MIPOL1: variants seen among roughly 807,000 people sequenced by gnomAD.
MIPOL1 encodes mirror-image polydactyly gene 1 protein.
MIPOL1 carries 57 observed loss-of-function variants against 60.9 expected under a neutral mutation model. That is an observed-to-expected ratio of 0.94 (90% CI 0.76 to 1.17). The LOEUF (loss-of-function observed/expected upper bound fraction) is 1.17, where lower values mean the gene tolerates loss of function less well. Among genes scored for constraint, MIPOL1 ranks in the 50% most tolerant of loss-of-function variants. The pLI is 0.00. For missense variants in MIPOL1, 551 were observed against 511.6 expected, an observed-to-expected ratio of 1.08 and a Z score of -0.74; for synonymous variants, 179 against 168.8, an observed-to-expected ratio of 1.06 and a Z score of -0.47.
In MIPOL1 at chr14:37,332,789, C is replaced by T. The variant is rs148869594; in HGVS notation, c.828+24270C>T. ...TTTACTCTGCTTCTTTGGAGTACTT[C>T]CAACATCACTAGTGGAACTTTGTAT... is the stretch of plus-strand genomic sequence containing the variant. On this transcript the variant is annotated intron_variant, in intron 9 of 12. Coordinates refer to ENST00000684589, the MANE Select transcript of MIPOL1 (RefSeq NM_001388067.1). 2.3e-3 allele frequency among the ~76,000 whole-genome samples: 343 copies of T among 152,174 alleles called. 3 individuals carry two copies. Among genetic ancestry groups the T allele is most frequent in the African/African-American group, 7.7e-3 (319 of 41,506 alleles).
intron 10 of MIPOL1, chr14:37,370,035 A>G (rs2092597247): frequency 6.6e-6 from 1 of 152,334 alleles, no homozygotes; most frequent in Admixed American, 6.5e-5. Flanking sequence ...TCCTTGAAGA[A>G]TATGTGTTTG....
At chr14:37,273,642 A>G (rs1369472791) in intron 6 of MIPOL1, among the ~76,000 whole-genome samples, 5 of 151,516 alleles carry the variant, frequency 3.3e-5, no homozygotes, top group African/African-American at 1.2e-4. Flanking sequence ...AAAACAAAAG[A>G]TGTCCAGTTC....
At chr14:37,493,690 T>C (rs956224308) in intron 11 of MIPOL1, among the ~76,000 whole-genome samples, 7 of 152,204 alleles carry the variant, frequency 4.6e-5, no homozygotes, top group African/African-American at 2.4e-5. Flanking sequence ...TAAAGAATTA[T>C]ATAATTTTAA....
At chr14:37,324,618 C>A (rs909712989) in intron 9 of MIPOL1, among the ~76,000 whole-genome samples, 1 of 152,006 alleles carries the variant, frequency 6.6e-6, no homozygotes, top group Admixed American at 6.6e-5. Context: ...TTTAAGGAAT[C>A]TTTCCGCATT....
chr14:37,346,343 AT>A (rs1012572606), intron 9 of MIPOL1, among the ~76,000 whole-genome samples: 43 of 152,306 alleles, frequency 2.8e-4, no homozygotes, highest in African/African-American at 8.9e-4. Flanking sequence ...AAATAAAAAA[AT>A]AACTGAAGGT....
chr14:37,442,110 G>A (rs575975524), intron 11 of MIPOL1, among the ~76,000 whole-genome samples: 3 of 151,542 alleles, frequency 2.0e-5, no homozygotes, highest in African/African-American at 7.3e-5. Context: ...GTGTGTGTGT[G>A]TGTGTGTGTG....
At chr14:37,201,145 T>G (rs766873692) in intron 1 of MIPOL1, among the ~76,000 whole-genome samples, 6 of 152,012 alleles carry the variant, frequency 3.9e-5, no homozygotes, top group Non-Finnish European at 8.8e-5. Flanking sequence ...GCTCAAGTGA[T>G]CCTCCTTCCC....
chr14:37,322,916 T>C (rs2088758776), intron 9 of MIPOL1, among the ~76,000 whole-genome samples: 1 of 152,164 alleles, frequency 6.6e-6, no homozygotes, highest in Non-Finnish European at 1.5e-5. Context: ...TTTCTCTCAT[T>C]CTGTAGGTTG....
At chr14:37,393,496 A>G (rs1052505740) in intron 10 of MIPOL1, among the ~76,000 whole-genome samples, 1 of 151,792 alleles carries the variant, frequency 6.6e-6, no homozygotes, top group African/African-American at 2.4e-5. Context: ...ACATACATAT[A>G]ACATCAAACC....
chr14:37,261,068 T>A (rs971595154), intron 3 of MIPOL1, among the ~76,000 whole-genome samples: 2 of 152,080 alleles, frequency 1.3e-5, no homozygotes, highest in African/African-American at 4.8e-5. Context: ...ATTATTTCTG[T>A]AATGTATTAG....
intron 9 of MIPOL1, among the ~76,000 whole-genome samples, chr14:37,325,159 A>G (rs1296748048): frequency 6.6e-6 from 1 of 152,100 alleles, no homozygotes; most frequent in African/African-American, 2.4e-5. Flanking sequence ...TAGTTTTTCA[A>G]TCCATGATAT....
In MIPOL1 at chr14:37,294,801, A is replaced by G. The variant is rs146418730; in HGVS notation, c.623+9354A>G. 2.3e-3 allele frequency among the ~76,000 whole-genome samples: 347 copies of G among 152,300 alleles called. 1 individual carries two copies. Among genetic ancestry groups the G allele is most frequent in the African/African-American group, 7.8e-3 (325 of 41,564 alleles). ...CAAAGCCTCCGAGAAATATGGGACT[A>G]TGTGAAAAGACCAAATCTACATCTA... On this transcript the variant is annotated intron_variant, in intron 7 of 12. Coordinates refer to ENST00000684589, the MANE Select transcript of MIPOL1 (RefSeq NM_001388067.1).
At chr14:37,215,045 C>T (rs760444693) in intron 1 of MIPOL1, among the ~76,000 whole-genome samples, 5 of 152,122 alleles carry the variant, frequency 3.3e-5, no homozygotes, top group African/African-American at 7.2e-5. Flanking sequence ...CCATCCTGTA[C>T]ACCTGGCTCT....
chr14:37,274,830 T>C (rs563752619), intron 6 of MIPOL1, among the ~76,000 whole-genome samples: 70 of 151,388 alleles, frequency 4.6e-4, no homozygotes, highest in Admixed American at 2.1e-3. Flanking sequence ...AAGATGATGA[T>C]GTAACCATCT....
intron 1 of MIPOL1, among the ~76,000 whole-genome samples, chr14:37,230,258 A>G: frequency 6.6e-6 from 1 of 152,214 alleles, no homozygotes; most frequent in East Asian, 1.9e-4. Flanking sequence ...AACCTGCTCT[A>G]ACAGGACTAA....
chr14:37,249,541 A>C (rs1373147129), intron 3 of MIPOL1, among the ~76,000 whole-genome samples: 1 of 152,188 alleles, frequency 6.6e-6, no homozygotes. Context: ...TGGGCTGCTT[A>C]TTATGAGTTT....
chr14:37,550,277 A>G lies in MIPOL1; in HGVS notation c.*3306A>G, dbSNP rs2095558671. The G allele has an allele frequency of 6.6e-6, 1 of 151,268 alleles. No individual in the cohort carries two copies. Among genetic ancestry groups the G allele is most frequent in the South Asian group, 2.1e-4 (1 of 4,832 alleles). The allele number at this position is 151,268 out of a possible 1,614,324, so 9.4% of individuals were successfully genotyped here. ...TTTAATATTGAATATAGTTTCGTAG[A>G]AAAACATTTTATATGTACTATTCTT... On this transcript the variant is annotated 3_prime_UTR_variant, in exon 13 of 13. Coordinates refer to ENST00000684589, the MANE Select transcript of MIPOL1 (RefSeq NM_001388067.1).
chr14:37,327,255 G>A (rs2089249927), intron 9 of MIPOL1, among the ~76,000 whole-genome samples: 1 of 152,100 alleles, frequency 6.6e-6, no homozygotes, highest in East Asian at 1.9e-4. Context: ...TTAGCATGCA[G>A]TATCCCACAT....
intron 11 of MIPOL1, among the ~76,000 whole-genome samples, chr14:37,450,937 A>C (rs1421802932): frequency 1.3e-5 from 2 of 152,162 alleles, no homozygotes; most frequent in African/African-American, 4.8e-5. Context: ...TGAATAAAAA[A>C]ATATTTTTAA....
Sources: allele counts gnomAD v4.1 joint callset (sites outside exome capture counted in the v4.1 genomes callset), GRCh38; gene constraint gnomAD v4.1.1; transcripts MANE v1.5; gene names NCBI Gene and HGNC (gene_info 2026-07-23, HGNC 2026-07-21).